USP9X: variants seen among roughly 807,000 people sequenced by gnomAD.
The protein encoded by USP9X is ubiquitin specific peptidase 9 X-linked, also known as ubiquitin carboxyl-terminal hydrolase 9X.
USP9X carries 7 observed loss-of-function variants against 190.3 expected under a neutral mutation model. The observed-to-expected ratio is 0.04, with a 90% CI of 0.02 to 0.07. The LOEUF is 0.07. Among genes scored for constraint, USP9X ranks in the 10% least tolerant of loss-of-function variants. The pLI is 1.00. For missense variants in USP9X, 1,010 were observed against 1,916.9 expected (o/e 0.53, Z 8.83); for synonymous variants, 645 against 659.5 (o/e 0.98, Z 0.34).
At chrX:41,152,763 TAATA>T (rs972402251) in intron 13 of USP9X, among the ~76,000 whole-genome samples, 181 bp from the exon 14 acceptor site, 1 of 104,275 alleles carries the variant, frequency 9.6e-6, no homozygotes, top group African/African-American at 3.5e-5. Flanking sequence ...AATAATAATG[TAATA>T]AATGTCTTAT....
At chrX:41,104,683 G>T (rs187019871) in intron 1 of USP9X, among the ~76,000 whole-genome samples, 2 of 111,575 alleles carry the variant, frequency 1.8e-5, no homozygotes, top group African/African-American at 6.5e-5. Context: ...ACCAGCACTT[G>T]TTAAAACACC....
intron 16 of USP9X, among the ~76,000 whole-genome samples, chrX:41,166,980 C>T (rs973510818): frequency 8.9e-6 from 1 of 111,865 alleles, no homozygotes; most frequent in Non-Finnish European, 1.9e-5. Context: ...TATCCCCTTT[C>T]CCCTCCCCAA....
intron 38 of USP9X, 29 bp from the exon 39 acceptor site, chrX:41,223,188 C>G: frequency 8.4e-7 from 1 of 1,188,413 alleles, no homozygotes; most frequent in Non-Finnish European, 1.1e-6. Context: ...CCCTCTCTTT[C>G]TTCTCCCCTT....
chrX:41,114,062 T>C (rs2062128904), intron 1 of USP9X, among the ~76,000 whole-genome samples: 1 of 112,814 alleles, frequency 8.9e-6, no homozygotes, highest in Non-Finnish European at 1.9e-5. Context: ...TTGTTGTAAG[T>C]ATCCGATGAA....
intron 16 of USP9X, among the ~76,000 whole-genome samples, chrX:41,166,705 G>A (rs1271324802): frequency 9.0e-6 from 1 of 111,648 alleles, no homozygotes; most frequent in South Asian, 3.7e-4. Flanking sequence ...TATTTTTATA[G>A]TACTACTCTA....
chrX:41,103,921 T>C (rs2062051710), intron 1 of USP9X, among the ~76,000 whole-genome samples: 1 of 111,914 alleles, frequency 8.9e-6, no homozygotes, highest in African/African-American at 3.2e-5. Flanking sequence ...ATTCTTTCAC[T>C]CAACAGATAA....
At chrX:41,147,488 CTG>C (rs2147065383) in intron 11 of USP9X, among the ~76,000 whole-genome samples, 1 of 87,536 alleles carries the variant, frequency 1.1e-5, no homozygotes, top group Admixed American at 1.4e-4. Context: ...GAGTCTCACT[CTG>C]TCACCCAGAC....
At chrX:41,164,176 A>G (rs183747001) in intron 15 of USP9X, among the ~76,000 whole-genome samples, 76 of 111,561 alleles carry the variant, frequency 6.8e-4, no homozygotes, top group Non-Finnish European at 1.2e-3. Flanking sequence ...GGCCCCATTT[A>G]TTTTAATAAC....
At chrX:41,118,464 T>A (rs1447128607) in intron 1 of USP9X, among the ~76,000 whole-genome samples, 11 of 112,133 alleles carry the variant, frequency 9.8e-5, no homozygotes, top group Non-Finnish European at 1.3e-4. Context: ...AGAATTTCCT[T>A]TCTTTTTAAA....
In USP9X at chrX:41,120,532, C is replaced by G. The variant is rs142859090; in HGVS notation, c.-158-2939C>G. ...TTTGTGTGTGTGACAGAGTCTCGCT[C>G]TGTTGCCCAGGCTGCAGTACAGTGG... On this transcript the variant is annotated intron_variant, in intron 1 of 44. Coordinates refer to ENST00000378308, the MANE Select transcript of USP9X (RefSeq NM_001039591.3). 8.8e-3 allele frequency among the ~76,000 whole-genome samples: 981 copies of G among 111,337 alleles called. 9 individuals carry two copies. Among genetic ancestry groups the G allele is most frequent in the African/African-American group, 0.029 (890 of 30,599 alleles).
rs2062284697 is a variant in USP9X, at chrX:41,129,143, C to T, written c.240C>T (p.Asn80=). ...TDLAKLDDMI[N]RPRWVVPVLP... is the part of the protein sequence containing the mutation. Reference sequence around the variant, plus strand: ...TGGCCAAGTTGGATGACATGATCAACAGGTGAGTTGGTGTGTAACACCCAA... The same window carrying T: ...TGGCCAAGTTGGATGACATGATCAATAGGTGAGTTGGTGTGTAACACCCAA... The change falls in exon 3 of 45, where the codon AAC becomes AAT. Residue 80 remains asparagine (N), a splice_region_variant and synonymous_variant. Coordinates refer to ENST00000378308, the MANE Select transcript of USP9X (RefSeq NM_001039591.3). 8.3e-7 allele frequency: 1 copy of T among 1,207,602 alleles called. No homozygotes were observed. Among genetic ancestry groups the T allele is most frequent in the Non-Finnish European group, 1.1e-6 (1 of 894,498 alleles).
At chrX:41,191,924 G>A (rs1156242493) in intron 26 of USP9X, among the ~76,000 whole-genome samples, 2 of 111,519 alleles carry the variant, frequency 1.8e-5, no homozygotes, top group African/African-American at 6.5e-5. Flanking sequence ...CATTGCCAGT[G>A]CGCTCTCTCT....
At chrX:41,230,232 A>G (rs28581336) in intron 43 of USP9X, among the ~76,000 whole-genome samples, 2 of 111,451 alleles carry the variant, frequency 1.8e-5, no homozygotes, top group East Asian at 5.6e-4. Context: ...TGTTTATTCT[A>G]TGTCATTTTA....
chrX:41,146,176 C>A (rs757036589), intron 11 of USP9X, among the ~76,000 whole-genome samples: 1 of 111,478 alleles, frequency 9.0e-6, no homozygotes, highest in Admixed American at 9.5e-5. Flanking sequence ...CTGTATCCCC[C>A]CTCTTCTCAG....
chrX:41,092,420 G>A (rs2061961317), intron 1 of USP9X, among the ~76,000 whole-genome samples: 1 of 111,036 alleles, frequency 9.0e-6, no homozygotes, highest in Non-Finnish European at 1.9e-5. Flanking sequence ...GGAAGTTACC[G>A]TATAGTATTG....
intron 1 of USP9X, among the ~76,000 whole-genome samples, chrX:41,097,548 C>T (rs1454622621): frequency 1.8e-5 from 2 of 111,819 alleles, no homozygotes; most frequent in Non-Finnish European, 3.8e-5. Context: ...GAAATGAAAA[C>T]AGACATTTAA....
At chrX:41,101,577 A>G (rs2062034527) in intron 1 of USP9X, among the ~76,000 whole-genome samples, 1 of 111,463 alleles carries the variant, frequency 9.0e-6, no homozygotes, top group Non-Finnish European at 1.9e-5. Flanking sequence ...CAGCCTCCCT[A>G]GTAGCTGGGA....
At chrX:41,092,513 T>C (rs1032643183) in intron 1 of USP9X, among the ~76,000 whole-genome samples, 2 of 111,553 alleles carry the variant, frequency 1.8e-5, no homozygotes, top group African/African-American at 6.5e-5. Flanking sequence ...GTAACATCTC[T>C]GGAGTTCAGA....
At chrX:41,119,429 C>T (rs1011011826) in intron 1 of USP9X, among the ~76,000 whole-genome samples, 1 of 111,014 alleles carries the variant, frequency 9.0e-6, no homozygotes, top group Non-Finnish European at 1.9e-5. Flanking sequence ...GACAGTCTTA[C>T]GACTTGTGGG....
Sources: gnomAD v4.1 joint callset for allele counts (sites outside exome capture counted in the v4.1 genomes callset) on GRCh38, gnomAD v4.1.1 for gene constraint, MANE v1.5 for transcripts, NCBI Gene and HGNC (gene_info 2026-07-23, HGNC 2026-07-21) for gene names.